The following INPP4B variants were observed in gnomAD, a reference collection of about 807,000 sequenced individuals.
INPP4B encodes the protein inositol polyphosphate 4-phosphatase type II.
INPP4B carries 55 observed loss-of-function variants against 122.5 expected under a neutral mutation model. That is an observed-to-expected ratio of 0.45 (90% confidence interval 0.36 to 0.56). The LOEUF (loss-of-function observed/expected upper bound fraction) is 0.56. INPP4B is among the 20% of genes least tolerant of loss of function. INPP4B has a pLI of 0.00. For missense variants in INPP4B, 1,000 were observed against 1,097.7 expected (o/e 0.91, Z 1.26); for synonymous variants, 403 against 388.7 (o/e 1.04, Z -0.43).
At chr4:142,417,285 T>G (rs1160979340) in intron 5 of INPP4B, among the ~76,000 whole-genome samples, 2 of 152,102 alleles carry the variant, frequency 1.3e-5, no homozygotes, top group African/African-American at 4.8e-5. Context: ...GATGAGAATA[T>G]GATGCACCTT....
chr4:142,088,074 A>G (rs1224684202), intron 23 of INPP4B, among the ~76,000 whole-genome samples: 1 of 152,206 alleles, frequency 6.6e-6, no homozygotes, highest in Non-Finnish European at 1.5e-5. Flanking sequence ...TCTCATACAA[A>G]AGAGAAAGTT....
At chr4:142,667,126 A>G (rs183033978) in intron 2 of INPP4B, among the ~76,000 whole-genome samples, 1 of 152,376 alleles carries the variant, frequency 6.6e-6, no homozygotes, top group Admixed American at 6.5e-5. Context: ...CCATGATCAG[A>G]TGAGGGCATC....
chr4:142,821,553 G>T (rs1013667658), intron 1 of INPP4B, among the ~76,000 whole-genome samples: 3 of 151,938 alleles, frequency 2.0e-5, no homozygotes, highest in Admixed American at 2.0e-4. Context: ...TTTTCAAATT[G>T]CCATAACTAT....
At chr4:142,341,619 G>T (rs1349732004) in intron 7 of INPP4B, among the ~76,000 whole-genome samples, 1 of 152,108 alleles carries the variant, frequency 6.6e-6, no homozygotes, top group Non-Finnish European at 1.5e-5. Flanking sequence ...TATGGCGAAG[G>T]TCATAGGATG....
chr4:142,293,126 C>A (rs549220353), intron 9 of INPP4B, among the ~76,000 whole-genome samples: 1 of 150,972 alleles, frequency 6.6e-6, no homozygotes, highest in Non-Finnish European at 1.5e-5. Flanking sequence ...GCAACCTCCA[C>A]TTCCTGGGTT....
intron 2 of INPP4B, among the ~76,000 whole-genome samples, chr4:142,489,999 T>C (rs1255745997): frequency 6.6e-6 from 1 of 152,124 alleles, no homozygotes; most frequent in Non-Finnish European, 1.5e-5. Flanking sequence ...GGTATATAGA[T>C]CTCTTTGTAT....
chr4:142,235,659 T>C (rs1445653079), intron 12 of INPP4B, among the ~76,000 whole-genome samples: 1 of 152,194 alleles, frequency 6.6e-6, no homozygotes, highest in Non-Finnish European at 1.5e-5. Context: ...TCTCCTGACC[T>C]TGTGATCCAC....
intron 7 of INPP4B, among the ~76,000 whole-genome samples, chr4:142,355,868 T>A (rs1048718923): frequency 1.3e-5 from 2 of 151,876 alleles, no homozygotes; most frequent in African/African-American, 4.8e-5. Flanking sequence ...AAGCCTTTTT[T>A]TTTTTTAACA....
intron 2 of INPP4B, among the ~76,000 whole-genome samples, chr4:142,472,224 T>C (rs1320204435): frequency 6.6e-6 from 1 of 151,332 alleles, no homozygotes; most frequent in Non-Finnish European, 1.5e-5. Context: ...AAAAAGAAAA[T>C]CTGAACAATT....
chr4:142,293,350 GGGAA>G (rs1270839577), intron 9 of INPP4B, among the ~76,000 whole-genome samples: 2 of 151,980 alleles, frequency 1.3e-5, no homozygotes, highest in Non-Finnish European at 2.9e-5. Flanking sequence ...ACATCGATCA[GGGAA>G]CTTAGCGGAT....
chr4:142,431,887 A>G (rs1350484631), intron 3 of INPP4B, among the ~76,000 whole-genome samples: 2 of 152,102 alleles, frequency 1.3e-5, no homozygotes. Context: ...AACAGGTTGT[A>G]CAGGAGAGTT....
At chr4:142,148,880 C>T (rs1364501666) in intron 17 of INPP4B, among the ~76,000 whole-genome samples, 6 of 152,138 alleles carry the variant, frequency 3.9e-5, no homozygotes, top group Admixed American at 3.9e-4. Flanking sequence ...GGAGATGACA[C>T]AATATTTATT....
chr4:142,307,243 C>T (rs978497993), intron 8 of INPP4B, among the ~76,000 whole-genome samples: 2 of 152,124 alleles, frequency 1.3e-5, no homozygotes, highest in African/African-American at 4.8e-5. Context: ...ATTTATGTCA[C>T]CTCACCAGAG....
rs1160804774 is a variant in INPP4B at position 142,451,243 on chromosome 4, G to GT, written c.-127+11419dup. Among the ~76,000 whole-genome samples, 11 of 125,544 alleles carry GT rather than the reference G, an allele frequency of 8.8e-5. No individual in the cohort carries two copies. In the East Asian group the frequency reaches 2.3e-3, roughly 26 times the overall value. 82.4% of individuals were successfully genotyped at this position (125,544 alleles called of 152,430 possible). On this transcript the variant is annotated intron_variant, in intron 3 of 25. Coordinates refer to ENST00000262992, the MANE Select transcript of INPP4B (RefSeq NM_001101669.3). The stretch of plus-strand genomic sequence containing the variant: ...AACATAGTTTCCCTTTTTTGTTGCT[G>GT]TTGTTTTTTTTTTTTTTTTTTTTTT...
chr4:142,308,877 T>G (rs1764407805), intron 8 of INPP4B, among the ~76,000 whole-genome samples: 1 of 152,124 alleles, frequency 6.6e-6, no homozygotes, highest in South Asian at 2.1e-4. Context: ...CTAAATCAGT[T>G]ATTCTGTCCA....
chr4:142,525,183 G>T (rs1171549348), intron 2 of INPP4B, among the ~76,000 whole-genome samples: 1 of 151,568 alleles, frequency 6.6e-6, no homozygotes, highest in East Asian at 1.9e-4. Context: ...ACTTACAAGG[G>T]ATGTGAAGGA....
At chr4:142,712,204 G>A (rs2150800921) in intron 2 of INPP4B, among the ~76,000 whole-genome samples, 1 of 152,240 alleles carries the variant, frequency 6.6e-6, no homozygotes. Context: ...TTCTAGAATT[G>A]TTAGAAATAA....
At chr4:142,320,123 C>T (rs1769432883) in intron 7 of INPP4B, among the ~76,000 whole-genome samples, 2 of 152,178 alleles carry the variant, frequency 1.3e-5, no homozygotes, top group South Asian at 4.1e-4. Flanking sequence ...ACTCCTGAGG[C>T]CACACACCAG....
intron 3 of INPP4B, among the ~76,000 whole-genome samples, chr4:142,436,310 G>A (rs2149406915): frequency 6.6e-6 from 1 of 152,312 alleles, no homozygotes; most frequent in East Asian, 1.9e-4. Context: ...TGAACCAGCA[G>A]ACTTAGTCTT....
Sources: gnomAD v4.1 joint callset for allele counts (sites outside exome capture counted in the v4.1 genomes callset) on GRCh38, gnomAD v4.1.1 for gene constraint, MANE v1.5 for transcripts, NCBI Gene and HGNC (gene_info 2026-07-23, HGNC 2026-07-21) for gene names.